The following TRIM46 variants were observed in gnomAD, a reference collection of about 807,000 sequenced individuals.
TRIM46 encodes the protein tripartite motif-containing protein 46.
TRIM46 carries 17 observed loss-of-function variants against 69.7 expected under a neutral mutation model. The observed-to-expected ratio is 0.24, with a 90% confidence interval of 0.17 to 0.37. The LOEUF (loss-of-function observed/expected upper bound fraction) is 0.37, where lower values mean the gene tolerates loss of function less well. TRIM46 is among the 10% of genes least tolerant of loss of function. The pLI is 1.00. For missense variants in TRIM46, 675 were observed against 1,025.1 expected, an observed-to-expected ratio of 0.66 and a Z score of 4.66; for synonymous variants, 391 against 429.0, an observed-to-expected ratio of 0.91 and a Z score of 1.09.
intron 6 of TRIM46, 96 bp downstream of exon 6, chr1:155,178,351 C>A: frequency 6.4e-7 from 1 of 1,558,642 alleles, no homozygotes; most frequent in Non-Finnish European, 8.7e-7. Flanking sequence ...GGAGAACTGG[C>A]ATTCTAAGGA....
Position 155,184,337 on chromosome 1 carries a change from CA to C in TRIM46, c.*148del, listed in dbSNP as rs1288737901. The C allele has an allele frequency of 1.1e-4, 103 of 912,000 alleles. 1 individual carries two copies. In the East Asian group the frequency reaches 2.7e-3, roughly 24 times the overall value. 56.5% of individuals were successfully genotyped at this position (912,000 alleles called of 1,614,324 possible). A position where few individuals can be genotyped will look rare whatever the true frequency, so the allele number is the denominator to read the frequency against. ...TCCTTCTCCCGTGTCTGTCTTCCCA[CA>C]GTTTTCTCTTGACCCAGGGGCTCTC... is the stretch of plus-strand genomic sequence containing the variant. On this transcript the variant is annotated 3_prime_UTR_variant, in exon 10 of 10. Transcript: ENST00000334634. The surrounding 1 kb of genome is among the most constrained non-coding windows in gnomAD (Gnocchi z 5.6).
Position 155,178,538 on chromosome 1 carries a change from A to C in TRIM46, c.1210A>C (p.Ser404Arg). ...CCTCCAGACATTCCGGCCAGCTGCC[A>C]GCTCCTCCTTCCGCCATTGCCAGCT... ...EALQTFRPAA[S>R]SSFRHCQLDV... Residue 404 changes from serine (S) to arginine (R), a missense_variant, in exon 7 of 10, where the codon AGC becomes CGC. Around this residue, in one of 5 missense-constraint regions of TRIM46, gnomAD observed 361 missense variants for 498.3 expected, o/e 0.72. Coordinates refer to ENST00000334634, the MANE Select transcript of TRIM46 (RefSeq NM_025058.5). The C allele has an allele frequency of 6.2e-7, 1 of 1,614,120 alleles. No individual in the cohort carries two copies. The highest frequency in any genetic ancestry group is 8.5e-7 in the Non-Finnish European group (1 of 1,180,012).
At chr1:155,180,440 C>T in intron 8 of TRIM46, 1 of 416,546 alleles carries the variant, frequency 2.4e-6, no homozygotes, top group Non-Finnish European at 4.3e-6. Context: ...ACTAGGAATA[C>T]AAAACTTAGC....
In TRIM46 at chr1:155,183,756, C is replaced by T. The variant is rs747430702; in HGVS notation, c.1887-41C>T. 14 of 1,593,608 alleles carry T rather than the reference C, an allele frequency of 8.8e-6. No homozygotes were observed. In the East Asian group the frequency reaches 2.9e-4, roughly 33 times the overall value. On this transcript the variant is annotated intron_variant, in intron 9 of 9. Transcript: ENST00000334634. ...TCCCTCTGGTACCTCATCCGTCACT[C>T]CATCCCTCAACAATCTCGTCCCCAA...
At chr1:155,174,629 G>A (rs1665471721) in intron 1 of TRIM46, 4 of 1,529,276 alleles carry the variant, frequency 2.6e-6, no homozygotes, top group East Asian at 2.5e-5. Flanking sequence ...TGGCTGCGAA[G>A]AGAGGGACCA....
chr1:155,179,969 CATGGGGT>C (rs1557815041), intron 8 of TRIM46, 35 bp downstream of exon 8: 14 of 1,547,714 alleles, frequency 9.0e-6, no homozygotes, highest in South Asian at 1.2e-5. Flanking sequence ...GTGCAAAGGG[CATGGGGT>C]ATGCCAGGGC....
chr1:155,183,190 G>A (rs538042912), intron 9 of TRIM46, among the ~76,000 whole-genome samples: 10 of 151,784 alleles, frequency 6.6e-5, no homozygotes, highest in African/African-American at 1.5e-4. Context: ...GATTACAGGC[G>A]TGAGCCACTG....
At position 155,183,920 on chromosome 1, in the gene TRIM46, C is replaced by T. The variant is rs142569426; in HGVS notation, c.2010C>T (p.Asn670=). The change falls in exon 10 of 10, where the codon AAC becomes AAT. Residue 670 remains asparagine (N), a synonymous_variant. Coordinates refer to ENST00000334634, the MANE Select transcript of TRIM46 (RefSeq NM_025058.5). ...TGCTGGGGTCGGGGGCAAGCTCAAA[C>T]GCAGGGCTGACAGGGAGGGATGGCC... is the stretch of plus-strand genomic sequence containing the variant. ...KILLGSGASS[N]AGLTGRDGPT... The T allele has an allele frequency of 1.9e-4, 307 of 1,613,902 alleles. No homozygotes were observed. The highest frequency in any genetic ancestry group is 3.6e-4 in the South Asian group (33 of 91,076).
In TRIM46 at chr1:155,178,226, T is replaced by C. The variant is rs1557812409; in HGVS notation, c.1134T>C (p.Phe378=). The C allele has an allele frequency of 1.2e-6, 2 of 1,606,614 alleles. No homozygotes were observed. Among genetic ancestry groups the C allele is most frequent in the Non-Finnish European group, 8.5e-7 (1 of 1,174,330 alleles). The part of the protein sequence containing the change: ...EVLKETDQPC[F]VQAAKQLHNR... ...TTAAGGAAACAGACCAGCCTTGCTT[T>C]GTGCAAGCCGCCAAGCAGCTGCACA... The change falls in exon 6 of 10, where the codon TTT becomes TTC. Residue 378 remains phenylalanine, a synonymous_variant. Transcript: ENST00000334634.
Position 155,177,274 on chromosome 1 carries a change from C to T in TRIM46, c.893C>T (p.Ala298Val). The change falls in exon 5 of 10, where the codon GCC becomes GTC. Residue 298 changes from alanine (A) to valine (V), a missense_variant. Physicochemically the swap from Ala to Val is moderately conservative, Grantham distance 64. Around this residue, in one of 5 missense-constraint regions of TRIM46, gnomAD observed 361 missense variants for 498.3 expected, o/e 0.72. Coordinates refer to ENST00000334634, the MANE Select transcript of TRIM46 (RefSeq NM_025058.5). ...VQTQICELEE[A>V]VRHTEVSGQQ... is the part of the protein sequence containing the mutation. ...ACCCAGATCTGTGAGCTGGAGGAGG[C>T]CGTGAGGCACACCGAGGTGAGGGAG... 6.2e-7 allele frequency: 1 copy of T among 1,614,066 alleles called. No homozygotes were observed.
intron 9 of TRIM46, chr1:155,182,829 G>T (rs1367245931): frequency 8.7e-6 from 1 of 114,610 alleles, no homozygotes; most frequent in East Asian, 3.1e-4. Context: ...GGCGACAAAA[G>T]CAAAACTCCT....
Position 155,182,130 on chromosome 1 carries a change from C to A in TRIM46, c.1867C>A (p.Pro623Thr). 1.9e-6 allele frequency: 3 copies of A among 1,614,062 alleles called. No homozygotes were observed. Among genetic ancestry groups the A allele is most frequent in the Non-Finnish European group, 2.5e-6 (3 of 1,179,980 alleles). Residue 623 changes from proline to threonine, a missense_variant, in exon 9 of 10, where the codon CCC becomes ACC. By Grantham distance (38) the Pro-to-Thr change is conservative. This residue lies in a region of TRIM46 where 35 missense variants were observed against 99.3 expected (regional missense o/e 0.35). Coordinates refer to ENST00000334634, the MANE Select transcript of TRIM46 (RefSeq NM_025058.5). ...GCTTCAAGAAAGTTTCCAGGGTGCC[C>A]CCGATGTGATCAGCCCCAGGTCAGA... ...SKLQESFQGA[P>T]DVISPRYDPD...
chr1:155,184,122 C>G lies in TRIM46; in HGVS notation c.2212C>G (p.Leu738Val), dbSNP rs1571765549. Residue 738 changes from leucine to valine, a missense_variant, in exon 10 of 10, where the codon CTC becomes GTC. Transcript: ENST00000334634. The surrounding 1 kb of genome is among the most constrained non-coding windows in gnomAD (Gnocchi z 5.6). The stretch of plus-strand genomic sequence containing the variant: ...CTTCATCGGGGGTGGCGCAGTACAG[C>G]TCCAGGAGCCAGTGGGCACTAAGCC... ...FCFIGGGAVQ[L>V]QEPVGTKPER... 2 of 1,613,880 alleles carry G rather than the reference C, an allele frequency of 1.2e-6. No homozygotes were observed. The highest frequency in any genetic ancestry group is 4.5e-5 in the East Asian group (2 of 44,884).
At position 155,178,154 on chromosome 1, in the gene TRIM46, G is replaced by T; in HGVS notation, c.1062G>T (p.Arg354=). The T allele has an allele frequency of 6.2e-7, 1 of 1,614,180 alleles. No individual in the cohort carries two copies. The highest frequency in any genetic ancestry group is 8.5e-7 in the Non-Finnish European group (1 of 1,180,024). The change falls in exon 6 of 10, where the codon CGG becomes CGT. Residue 354 remains arginine, a synonymous_variant. Transcript: ENST00000334634. ...TCAGCGCCCAGATCCAGGAGCACCGGAGCCTGCTGGATGGCTCAGGTCTGG... is the reference window on the plus strand; with the variant it reads ...TCAGCGCCCAGATCCAGGAGCACCGTAGCCTGCTGGATGGCTCAGGTCTGG... The part of the protein sequence containing the change: ...ARLSAQIQEH[R]SLLDGSGLVG...
intron 7 of TRIM46, 161 bp downstream of exon 7, chr1:155,178,774 C>T (rs780249356): frequency 4.0e-6 from 6 of 1,517,606 alleles, no homozygotes; most frequent in Non-Finnish European, 4.4e-6. Flanking sequence ...CGTCCTACCG[C>T]GCTCAGCGCT....
At chr1:155,177,402 G>T in intron 5 of TRIM46, 112 bp downstream of exon 5, 1 of 929,614 alleles carries the variant, frequency 1.1e-6, no homozygotes. Flanking sequence ...AAGCCCGTGA[G>T]GTGTCCAGGT....
chr1:155,178,739 T>TTGGGCCCCCCCCCC, intron 7 of TRIM46, 126 bp downstream of exon 7: 168 of 1,348,272 alleles, frequency 1.2e-4, no homozygotes, highest in Middle Eastern at 2.1e-4. Context: ...CAGCCATTCC[T>TTGGGCCCCCCCCCC]CCCACCCAGC....
chr1:155,181,002 A>G lies in TRIM46; in HGVS notation c.1589-850A>G, dbSNP rs945130018. Among the ~76,000 whole-genome samples, 2 of 152,210 alleles carry G rather than the reference A, an allele frequency of 1.3e-5. No individual in the cohort carries two copies. Among genetic ancestry groups the G allele is most frequent in the African/African-American group, 4.8e-5 (2 of 41,450 alleles). ...GTAATCCCAGCACTTTGGGAGGCCG[A>G]GGTGGATGGATCACGAGGTCAGGCG... On this transcript the variant is annotated intron_variant, in intron 8 of 9. Coordinates refer to ENST00000334634, the MANE Select transcript of TRIM46 (RefSeq NM_025058.5). This position sits in a 1 kb window ranked among gnomAD's most constrained non-coding sequence, Gnocchi z 4.3.
At chr1:155,174,906 G>A (rs1453710216) in intron 1 of TRIM46, 1 of 1,408,986 alleles carries the variant, frequency 7.1e-7, no homozygotes, top group Admixed American at 3.2e-5. Flanking sequence ...AGCTGCGGCA[G>A]GAGGACGTAT....
Sources: allele counts gnomAD v4.1 joint callset (sites outside exome capture counted in the v4.1 genomes callset), GRCh38; gene constraint gnomAD v4.1.1; regional missense constraint gnomAD v4.1.1; non-coding constraint Gnocchi (gnomAD v3.1); transcripts MANE v1.5; gene names NCBI Gene and HGNC (gene_info 2026-07-23, HGNC 2026-07-21).